The following PGCKA1 variants were observed in gnomAD, a reference collection of about 807,000 sequenced individuals.
The protein encoded by PGCKA1 is PDCD10 and GCKIII kinases associated 1, also known as PDCD10 and GCKIII kinases-associated protein 1.
the PGCKA1 span, among the ~76,000 whole-genome samples, chr4:37,548,130 G>A: frequency 2.6e-5 from 4 of 151,800 alleles, no homozygotes; most frequent in Admixed American, 2.0e-4. Context: ...AAGTCAGAAA[G>A]TTGAGACACG....
chr4:37,503,329 C>T, the PGCKA1 span, among the ~76,000 whole-genome samples: 1 of 152,200 alleles, frequency 6.6e-6, no homozygotes, highest in Non-Finnish European at 1.5e-5. Context: ...TCAGTGTCTT[C>T]CTTCCAGGCA....
At chr4:37,536,386 T>TA in the PGCKA1 span, among the ~76,000 whole-genome samples, 1,279 of 149,090 alleles carry the variant, frequency 8.6e-3, 25 homozygotes, top group African/African-American at 0.03. Flanking sequence ...CTTTTTTTTT[T>TA]ATCTGACAGT....
the PGCKA1 span, among the ~76,000 whole-genome samples, chr4:37,492,126 C>T: frequency 6.6e-6 from 1 of 151,756 alleles, no homozygotes; most frequent in East Asian, 1.9e-4. The surrounding 1 kb of genome is among the most constrained non-coding windows in gnomAD (Gnocchi z 4.7). Flanking sequence ...ACTGCAACCT[C>T]CGCCTCCCAG....
the PGCKA1 span, among the ~76,000 whole-genome samples, chr4:37,455,844 G>C: frequency 3.3e-4 from 50 of 152,272 alleles, no homozygotes; most frequent in African/African-American, 1.1e-3. Flanking sequence ...GCCCGCTCTT[G>C]GTGCCCGGAA....
At chr4:37,550,944 A>G in the PGCKA1 span, among the ~76,000 whole-genome samples, 1 of 152,224 alleles carries the variant, frequency 6.6e-6, no homozygotes, top group African/African-American at 2.4e-5. Flanking sequence ...CATAGCTAGA[A>G]AAAGAAAAAA....
the PGCKA1 span, among the ~76,000 whole-genome samples, chr4:37,561,279 G>A: frequency 6.6e-6 from 1 of 152,122 alleles, no homozygotes; most frequent in Admixed American, 6.5e-5. Context: ...GAGCAAACAA[G>A]CAGAGTTAAG....
the PGCKA1 span, chr4:37,590,748 G>A: frequency 1.4e-5 from 23 of 1,613,886 alleles, no homozygotes; most frequent in African/African-American, 4.0e-5. Flanking sequence ...GTTTGAATAC[G>A]CCCTTCTCTG....
At chr4:37,485,424 C>T in the PGCKA1 span, among the ~76,000 whole-genome samples, 2 of 152,078 alleles carry the variant, frequency 1.3e-5, no homozygotes, top group East Asian at 3.9e-4. Context: ...AGTTTGGCTC[C>T]CTTCCCTTCT....
the PGCKA1 span, among the ~76,000 whole-genome samples, chr4:37,454,273 G>A: frequency 6.6e-6 from 1 of 152,194 alleles, no homozygotes; most frequent in Non-Finnish European, 1.5e-5. Context: ...CTCGGGTGGG[G>A]GGAGGCGGAC....
the PGCKA1 span, among the ~76,000 whole-genome samples, chr4:37,515,961 C>T: frequency 6.6e-6 from 1 of 151,958 alleles, no homozygotes; most frequent in African/African-American, 2.4e-5. Flanking sequence ...ATTATTATGG[C>T]AAACCATGAT....
At chr4:37,521,625 T>C in the PGCKA1 span, among the ~76,000 whole-genome samples, 7 of 152,252 alleles carry the variant, frequency 4.6e-5, no homozygotes, top group African/African-American at 1.7e-4. Flanking sequence ...TCCTTAAGAA[T>C]GATCCATGTG....
At chr4:37,533,450 A>G in the PGCKA1 span, among the ~76,000 whole-genome samples, 32 of 152,208 alleles carry the variant, frequency 2.1e-4, no homozygotes, top group Admixed American at 4.6e-4. Flanking sequence ...ACTTAAGTCT[A>G]CTTTAATTGG....
chr4:37,555,785 G>A, the PGCKA1 span, among the ~76,000 whole-genome samples: 1 of 152,144 alleles, frequency 6.6e-6, no homozygotes, highest in African/African-American at 2.4e-5. Flanking sequence ...TTCTACTGCT[G>A]CTTGTCTGTT....
At chr4:37,467,451 T>G in the PGCKA1 span, among the ~76,000 whole-genome samples, 2 of 152,210 alleles carry the variant, frequency 1.3e-5, no homozygotes, top group Non-Finnish European at 2.9e-5. Flanking sequence ...TCTTCTATCA[T>G]AGAATCTTCT....
chr4:37,565,475 G>A, the PGCKA1 span, among the ~76,000 whole-genome samples: 2 of 152,146 alleles, frequency 1.3e-5, no homozygotes, highest in Non-Finnish European at 2.9e-5. Context: ...TAATCTGGGG[G>A]AAGGAACAGG....
At chr4:37,555,219 G>A in the PGCKA1 span, among the ~76,000 whole-genome samples, 4 of 152,130 alleles carry the variant, frequency 2.6e-5, no homozygotes, top group South Asian at 4.1e-4. Context: ...CAAGTAGGGC[G>A]TTCTGTTCCC....
chr4:37,539,891 A>G, the PGCKA1 span, among the ~76,000 whole-genome samples: 1 of 152,232 alleles, frequency 6.6e-6, no homozygotes, highest in Non-Finnish European at 1.5e-5. Context: ...TGATCAAAAC[A>G]GGGTATTTAG....
At chr4:37,473,333 A>G in the PGCKA1 span, among the ~76,000 whole-genome samples, 6 of 152,180 alleles carry the variant, frequency 3.9e-5, no homozygotes, top group Non-Finnish European at 8.8e-5. Flanking sequence ...GTTTAAGATA[A>G]TGTGTTAATA....
At chr4:37,585,023 T>A in the PGCKA1 span, among the ~76,000 whole-genome samples, 4 of 133,092 alleles carry the variant, frequency 3.0e-5, no homozygotes, top group Admixed American at 7.5e-5. Flanking sequence ...TTTTTTTTTT[T>A]ACTACCTATC....
Sources: gnomAD v4.1 joint callset for allele counts (sites outside exome capture counted in the v4.1 genomes callset) on GRCh38, gnomAD v4.1.1 for gene constraint, Gnocchi (gnomAD v3.1) non-coding constraint, MANE v1.5 for transcripts, NCBI Gene and HGNC (gene_info 2026-07-23, HGNC 2026-07-21) for gene names.